The following ACTR3C variants were observed in gnomAD, a reference collection of about 807,000 sequenced individuals.
ACTR3C encodes the protein actin related protein 3C.
In ACTR3C, 18 loss-of-function variants were observed where a neutral mutation model predicts 26.3. The ratio of observed to expected loss-of-function variants is 0.68; its 90% CI spans 0.47 to 1.01. The LOEUF (loss-of-function observed/expected upper bound fraction) is 1.01, where lower values mean the gene tolerates loss of function less well. Ranked by LOEUF, ACTR3C falls within the 50% of genes least tolerant of loss-of-function variation. The pLI, the probability that ACTR3C is intolerant of heterozygous loss-of-function variation, is 0.00. For synonymous variants in ACTR3C, 55 were observed against 94.5 expected, an observed-to-expected ratio of 0.58 and a Z score of 2.42; for missense variants, 184 against 250.7, an observed-to-expected ratio of 0.73 and a Z score of 1.80.
At chr7:149,909,829 T>TA in the ACTR3C span, 236,277 of 329,922 alleles carry the variant, frequency 0.72, 72,308 homozygotes, top group Admixed American at 0.82. Flanking sequence ...TCCTTGAAAT[T>TA]AAAAAAAAAA....
the ACTR3C span, among the ~76,000 whole-genome samples, chr7:150,003,372 G>A: frequency 1.5e-5 from 2 of 130,440 alleles, no homozygotes; most frequent in Admixed American, 1.6e-4. Context: ...TGTGCTGTGT[G>A]TGTGATGTTT....
chr7:150,198,723 C>T, the ACTR3C span, among the ~76,000 whole-genome samples: 1 of 149,148 alleles, frequency 6.7e-6, no homozygotes. Flanking sequence ...AGCGTCTCCG[C>T]CCGGCAGCCA....
the ACTR3C span, among the ~76,000 whole-genome samples, chr7:150,116,718 A>ATG: frequency 0.042 from 6,319 of 149,856 alleles, 156 homozygotes; most frequent in African/African-American, 0.057. Context: ...CTTGTGACAC[A>ATG]TGTGTGTGTG....
chr7:149,956,879 A>G, the ACTR3C span, among the ~76,000 whole-genome samples: 1 of 152,144 alleles, frequency 6.6e-6, no homozygotes, highest in East Asian at 1.9e-4. Context: ...ATATCTTCCC[A>G]CGGGCTACTC....
At chr7:150,069,194 A>G in the ACTR3C span, among the ~76,000 whole-genome samples, 1 of 152,234 alleles carries the variant, frequency 6.6e-6, no homozygotes, top group African/African-American at 2.4e-5. Flanking sequence ...TAATGCCAAA[A>G]CTACTGTGTA....
the ACTR3C span, among the ~76,000 whole-genome samples, chr7:150,158,263 A>G: frequency 6.6e-6 from 1 of 152,092 alleles, no homozygotes; most frequent in African/African-American, 2.4e-5. Flanking sequence ...TGTTATAGTC[A>G]TTATGGAAAG....
the ACTR3C span, among the ~76,000 whole-genome samples, chr7:150,055,637 A>G: frequency 2.6e-5 from 4 of 152,320 alleles, no homozygotes; most frequent in African/African-American, 9.6e-5. Context: ...GGTAGAAATC[A>G]AAAGGGAATT....
chr7:150,015,401 T>G, the ACTR3C span, among the ~76,000 whole-genome samples: 1 of 152,182 alleles, frequency 6.6e-6, no homozygotes, highest in African/African-American at 2.4e-5. Flanking sequence ...CCAGAAAGCC[T>G]TCAGTAATGA....
At chr7:150,079,397 C>T in the ACTR3C span, among the ~76,000 whole-genome samples, 19 of 152,156 alleles carry the variant, frequency 1.2e-4, no homozygotes, top group African/African-American at 2.2e-4. Context: ...CAGTCTCGCA[C>T]GGCTGTTGTG....
the ACTR3C span, among the ~76,000 whole-genome samples, chr7:150,079,982 T>C: frequency 6.6e-6 from 1 of 152,216 alleles, no homozygotes; most frequent in Admixed American, 6.5e-5. Context: ...AGAGGCTATT[T>C]AAACTCACTT....
chr7:149,930,756 C>CAGCACATGAGCCCCACACATACTT, the ACTR3C span, among the ~76,000 whole-genome samples: 3 of 152,246 alleles, frequency 2.0e-5, no homozygotes, highest in African/African-American at 7.2e-5. Flanking sequence ...CCACCAAACT[C>CAGCACATGAGCCCCACACATACTT]AGCACATGAG....
chr7:149,911,905 TA>T, the ACTR3C span, among the ~76,000 whole-genome samples: 1 of 150,570 alleles, frequency 6.6e-6, no homozygotes, highest in Admixed American at 6.7e-5. Context: ...ATGGGGATAA[TA>T]GACTGAGGCA....
chr7:150,216,857 G>A, the ACTR3C span, among the ~76,000 whole-genome samples: 2 of 149,730 alleles, frequency 1.3e-5, no homozygotes, highest in African/African-American at 2.5e-5. Flanking sequence ...GTGGTGGTGC[G>A]CACCTGTAAT....
At chr7:150,024,503 G>T in the ACTR3C span, among the ~76,000 whole-genome samples, 11 of 147,566 alleles carry the variant, frequency 7.5e-5, no homozygotes, top group African/African-American at 2.8e-4. Context: ...GCTTCCGACA[G>T]TTGCTTTCCT....
At chr7:149,952,151 C>T in the ACTR3C span, among the ~76,000 whole-genome samples, 4,352 of 148,934 alleles carry the variant, frequency 0.029, 93 homozygotes, top group Non-Finnish European at 0.047. Flanking sequence ...CATCATTTAA[C>T]CCTAAAAAAA....
the ACTR3C span, among the ~76,000 whole-genome samples, chr7:150,148,399 C>T: frequency 6.6e-6 from 1 of 152,048 alleles, no homozygotes; most frequent in South Asian, 2.1e-4. Context: ...ATCGCTTGCA[C>T]CCGGGAGGCA....
chr7:150,273,363 G>A (rs1412299309), intron 6 of ACTR3C, among the ~76,000 whole-genome samples: 2 of 147,914 alleles, frequency 1.4e-5, no homozygotes, highest in African/African-American at 5.2e-5. Context: ...CTGCAGCCTC[G>A]ACCTTCTGGG....
Position 150,288,653 on chromosome 7 carries a change from C to T in ACTR3C, c.297+797G>A, listed in dbSNP as rs1190544641. ...AAAGGCAAAGAAAGGAGAAGGTAAC[C>T]CCTTAGGAAATATTTTAGTCTAAAA... On this transcript the variant is annotated intron_variant, in intron 4 of 7. Coordinates refer to ENST00000683684, the MANE Select transcript of ACTR3C (RefSeq NM_001164458.2). 2.7e-5 allele frequency among the ~76,000 whole-genome samples: 4 copies of T among 148,956 alleles called. No homozygotes were observed. In the East Asian group the frequency reaches 7.8e-4, roughly 29 times the overall value.
intron 6 of ACTR3C, among the ~76,000 whole-genome samples, chr7:150,253,072 C>T (rs1464728540): frequency 1.3e-5 from 2 of 152,032 alleles, no homozygotes; most frequent in Admixed American, 6.5e-5. Flanking sequence ...CAGGATATCA[C>T]GCTGCTGAAT....
Sources: allele counts gnomAD v4.1 joint callset (sites outside exome capture counted in the v4.1 genomes callset), GRCh38; gene constraint gnomAD v4.1.1; transcripts MANE v1.5; gene names NCBI Gene and HGNC (gene_info 2026-07-23, HGNC 2026-07-21).